The following STPG1 variants were observed in gnomAD, a reference collection of about 807,000 sequenced individuals.
STPG1 encodes the protein sperm tail PG-rich repeat containing 1.
Under a neutral mutation model 40.1 loss-of-function variants are expected in STPG1, and 33 were observed. The ratio of observed to expected loss-of-function variants is 0.82; its 90% CI spans 0.62 to 1.10. The LOEUF (loss-of-function observed/expected upper bound fraction) is 1.10. Ranked by LOEUF, STPG1 falls within the 50% of genes least tolerant of loss-of-function variation. The probability of loss-of-function intolerance (pLI) is 0.00; values close to 1 mark genes in which losing one functional copy is unlikely to be tolerated. For synonymous variants in STPG1, 150 were observed against 155.0 expected, an observed-to-expected ratio of 0.97 and a Z score of 0.24; for missense variants, 396 against 415.1, an observed-to-expected ratio of 0.95 and a Z score of 0.40.
intron 3 of STPG1, among the ~76,000 whole-genome samples, chr1:24,388,968 G>A (rs183238148): frequency 6.6e-6 from 1 of 152,262 alleles, no homozygotes; most frequent in African/African-American, 2.4e-5. Context: ...AGTAGGACAC[G>A]GAAAGCCTGA....
chr1:24,379,290 G>A (rs1642172036), intron 5 of STPG1: 1 of 198,600 alleles, frequency 5.0e-6, no homozygotes, highest in South Asian at 1.0e-4. Context: ...TTCCCTAGAA[G>A]AACCTAAAAA....
intron 7 of STPG1, among the ~76,000 whole-genome samples, chr1:24,367,200 T>A (rs1324914433): frequency 1.3e-5 from 2 of 152,140 alleles, no homozygotes; most frequent in African/African-American, 4.8e-5. Context: ...AGGCGTGGTG[T>A]CCTGTTCACC....
intron 3 of STPG1, among the ~76,000 whole-genome samples, chr1:24,387,008 TCAC>T (rs1281447377): frequency 2.0e-5 from 3 of 149,228 alleles, no homozygotes; most frequent in African/African-American, 7.5e-5. Flanking sequence ...ATCATCATCA[TCAC>T]CATCACCATC....
At position 24,369,682 on chromosome 1, in the gene STPG1, A is replaced by G. The variant is rs1256297245; in HGVS notation, c.729T>C (p.Thr243=). The G allele has an allele frequency of 6.3e-7, 1 of 1,590,724 alleles. No homozygotes were observed. The highest frequency in any genetic ancestry group is 8.6e-7 in the Non-Finnish European group (1 of 1,166,062). ...GAATGATTGGGACTCACGGGAAAAG[A>G]GTCTTTTTTGGAACTTTTGTGCAAT... ...PSDCTKVPKK[T]LFPKNPILNF... The change falls in exon 7 of 9, where the codon ACT becomes ACC. Residue 243 remains threonine (T), a synonymous_variant. Coordinates refer to ENST00000337248, the MANE Select transcript of STPG1 (RefSeq NM_001199013.2).
intron 5 of STPG1, among the ~76,000 whole-genome samples, chr1:24,379,042 G>A (rs181463101): frequency 6.6e-6 from 1 of 152,186 alleles, no homozygotes; most frequent in African/African-American, 2.4e-5. Flanking sequence ...GCATTAACAC[G>A]ATGAGGTGAA....
chr1:24,404,801 T>C (rs1033837625), intron 1 of STPG1, among the ~76,000 whole-genome samples: 4 of 152,218 alleles, frequency 2.6e-5, no homozygotes, highest in Non-Finnish European at 5.9e-5. Flanking sequence ...TTTTGTTAAG[T>C]CTCGCTATAG....
intron 1 of STPG1, among the ~76,000 whole-genome samples, chr1:24,401,980 C>T (rs200310195): frequency 6.6e-6 from 1 of 152,116 alleles, no homozygotes; most frequent in East Asian, 1.9e-4. Flanking sequence ...AGCCACCATG[C>T]CTGGCCTATT....
intron 4 of STPG1, among the ~76,000 whole-genome samples, chr1:24,381,385 A>G (rs1028736563): frequency 6.6e-6 from 1 of 152,230 alleles, no homozygotes; most frequent in African/African-American, 2.4e-5. Context: ...CACCAACACT[A>G]CACACCCCTT....
chr1:24,395,219 AAGC>A (rs995571143), intron 2 of STPG1, among the ~76,000 whole-genome samples: 15 of 151,940 alleles, frequency 9.9e-5, no homozygotes, highest in Non-Finnish European at 2.1e-4. Flanking sequence ...ATATCTTCAA[AAGC>A]AAAAGCAGAA....
intron 8 of STPG1, among the ~76,000 whole-genome samples, 179 bp from the exon 9 acceptor site, chr1:24,358,798 A>T (rs115184896): frequency 3.3e-4 from 51 of 152,356 alleles, no homozygotes; most frequent in Non-Finnish European, 5.0e-4. Context: ...TAACTGGCCC[A>T]GGGGAAGTCA....
chr1:24,369,713 G>C lies in STPG1; in HGVS notation c.698C>G (p.Pro233Arg). 1 of 1,607,826 alleles carries C rather than the reference G, an allele frequency of 6.2e-7. No homozygotes were observed. The highest frequency in any genetic ancestry group is 8.5e-7 in the Non-Finnish European group (1 of 1,175,746). The change falls in exon 7 of 9, where the codon CCC (proline) becomes CGC (arginine). Residue 233 changes from proline to arginine, a missense_variant. Physicochemically the swap from Pro to Arg is moderately radical, Grantham distance 103 (BLOSUM62 -2). Transcript: ENST00000337248. ...TTTTGGAACTTTTGTGCAATCACTG[G>C]GGTTGTAATAACCAGGTCCCGGGCC... ...STGPGPGYYN[P>R]SDCTKVPKKT...
intron 3 of STPG1, among the ~76,000 whole-genome samples, chr1:24,387,090 C>A (rs1342637156): frequency 6.6e-6 from 1 of 152,176 alleles, no homozygotes; most frequent in African/African-American, 2.4e-5. Flanking sequence ...CACAAACCTT[C>A]AGAGTGGGAC....
intron 3 of STPG1, among the ~76,000 whole-genome samples, chr1:24,387,694 C>G (rs907023787): frequency 6.6e-6 from 1 of 152,188 alleles, no homozygotes; most frequent in Admixed American, 6.5e-5. Flanking sequence ...ATGCAAAGGT[C>G]TTTGAGGGGT....
At chr1:24,373,623 G>T in intron 6 of STPG1, 79 bp downstream of exon 6, 2 of 947,208 alleles carry the variant, frequency 2.1e-6, no homozygotes, top group Non-Finnish European at 3.4e-6. Context: ...AAGACTCCCT[G>T]TGAAGAAGTA....
chr1:24,365,689 T>C (rs551863135), intron 7 of STPG1, among the ~76,000 whole-genome samples: 39 of 152,368 alleles, frequency 2.6e-4, no homozygotes, highest in African/African-American at 9.1e-4. Flanking sequence ...CCTGCTTTGA[T>C]AAAAATACAA....
chr1:24,381,243 T>A (rs11249096), intron 4 of STPG1, among the ~76,000 whole-genome samples: 7,312 of 152,308 alleles, frequency 0.048, 490 homozygotes, highest in African/African-American at 0.15. Context: ...GACTCTTTTT[T>A]GGTTTAGAAC....
intron 2 of STPG1, chr1:24,401,034 G>A (rs1465742092): frequency 6.0e-6 from 2 of 335,488 alleles, no homozygotes; most frequent in Non-Finnish European, 1.1e-5. Context: ...ATCTAAATTT[G>A]AGGATAGAGA....
chr1:24,364,334 C>A (rs1264431029), intron 7 of STPG1: 6 of 1,548,728 alleles, frequency 3.9e-6, no homozygotes, highest in Middle Eastern at 1.7e-4. Flanking sequence ...AGCCCCACCA[C>A]CGTCAACAGC....
At chr1:24,361,122 G>T in intron 7 of STPG1, 81 bp from the exon 8 acceptor site, 1 of 1,265,026 alleles carries the variant, frequency 7.9e-7, no homozygotes, top group Non-Finnish European at 1.1e-6. Context: ...GCCAAGACCT[G>T]CACAGCAGCA....
Sources: allele counts gnomAD v4.1 joint callset (sites outside exome capture counted in the v4.1 genomes callset), GRCh38; gene constraint gnomAD v4.1.1; transcripts MANE v1.5; gene names NCBI Gene and HGNC (gene_info 2026-07-23, HGNC 2026-07-21).